MSH3: variants seen among roughly 807,000 people sequenced by gnomAD.
MSH3 encodes the protein mutS homolog 3.
In MSH3, 106 loss-of-function variants were observed where a neutral mutation model predicts 123.3. The ratio of observed to expected loss-of-function variants is 0.86; its 90% CI spans 0.73 to 1.01. The LOEUF (loss-of-function observed/expected upper bound fraction) is 1.01, where lower values mean the gene tolerates loss of function less well. Ranked by LOEUF, MSH3 falls within the 50% of genes least tolerant of loss-of-function variation. The pLI, the probability that MSH3 is intolerant of heterozygous loss-of-function variation, is 0.00. For synonymous variants in MSH3, 515 were observed against 481.4 expected (o/e 1.07, Z -0.91); for missense variants, 1,459 against 1,347.6 (o/e 1.08, Z -1.29).
intron 10 of MSH3, among the ~76,000 whole-genome samples, chr5:80,734,809 CA>C (rs1743475155): frequency 6.6e-6 from 1 of 152,156 alleles, no homozygotes; most frequent in South Asian, 2.1e-4. Flanking sequence ...TTCTGTCTCA[CA>C]AATTCTAGTT....
At position 80,654,964 on chromosome 5, in the gene MSH3, A is replaced by T. The variant is rs1473363268; in HGVS notation, c.237A>T (p.Ile79=). Residue 79 remains isoleucine (I), a splice_region_variant and synonymous_variant, in exon 1 of 24, where the codon ATA becomes ATT. Coordinates refer to ENST00000265081, the MANE Select transcript of MSH3 (RefSeq NM_002439.5). ...PAFPPQLPPH[I]ATEIDRRKKR... ...TCCCGCCCCAGCTGCCGCCGCACAT[A>T]GTAGGTTCTGTCTGGGACTGGGCAG... The T allele has an allele frequency of 6.9e-7, 1 of 1,459,268 alleles. No individual in the cohort carries two copies. Among genetic ancestry groups the T allele is most frequent in the Non-Finnish European group, 9.0e-7 (1 of 1,106,920 alleles). 90.4% of individuals were successfully genotyped at this position (1,459,268 alleles called of 1,614,324 possible).
chr5:80,749,223 A>G (rs1285272206), intron 12 of MSH3, among the ~76,000 whole-genome samples: 1 of 152,180 alleles, frequency 6.6e-6, no homozygotes, highest in Non-Finnish European at 1.5e-5. Context: ...GAATCCCAAA[A>G]CCTCAAAAGT....
chr5:80,843,120 T>C (rs1467501099), intron 20 of MSH3, among the ~76,000 whole-genome samples: 18 of 152,206 alleles, frequency 1.2e-4, no homozygotes, highest in African/African-American at 1.2e-4. Flanking sequence ...TGAGGGGCTA[T>C]TGAATTTTGT....
At chr5:80,703,021 C>G (rs1313276343) in intron 8 of MSH3, among the ~76,000 whole-genome samples, 2 of 152,122 alleles carry the variant, frequency 1.3e-5, no homozygotes, top group Non-Finnish European at 2.9e-5. Context: ...AGCAACAAAA[C>G]AAAAATAAAA....
chr5:80,875,569 T>A lies in MSH3; in HGVS notation c.3303-182T>A, dbSNP rs547263508. On this transcript the variant is annotated intron_variant, in intron 23 of 23. Coordinates refer to ENST00000265081, the MANE Select transcript of MSH3 (RefSeq NM_002439.5). ...TAATAGTGGCAATTGGTAACCTGGG[T>A]CCCTTGATTATAGTAGCAGCTCTGA... 1.0e-3 allele frequency among the ~76,000 whole-genome samples: 158 copies of A among 152,254 alleles called. 1 individual carries two copies. The highest frequency in any genetic ancestry group is 3.7e-3 in the African/African-American group (155 of 41,550).
intron 8 of MSH3, among the ~76,000 whole-genome samples, chr5:80,712,336 A>G (rs1015571499): frequency 2.6e-5 from 4 of 152,228 alleles, no homozygotes; most frequent in African/African-American, 9.6e-5. Flanking sequence ...AGTATTTTAA[A>G]AAGATTATGA....
intron 3 of MSH3, 36 bp from the exon 4 acceptor site, chr5:80,670,061 A>G: frequency 6.3e-7 from 1 of 1,591,526 alleles, no homozygotes; most frequent in Non-Finnish European, 8.6e-7. Context: ...ATTGTGGTTA[A>G]TATTTTTAAA....
intron 11 of MSH3, among the ~76,000 whole-genome samples, chr5:80,743,282 G>T (rs567691200): frequency 6.6e-6 from 1 of 152,224 alleles, no homozygotes; most frequent in South Asian, 2.1e-4. Flanking sequence ...GATCTGAACT[G>T]CCCTCCTTAG....
rs762744014 is a variant in MSH3 at position 80,775,776 on chromosome 5, T to A, written c.2318+18T>A. On this transcript the variant is annotated intron_variant, in intron 16 of 23. Transcript: ENST00000265081. ...GTTGGAAGGTAGGTTTAAAATAAAT[T>A]TTTTTCTTACAATGCATTATGATGA... 6.7e-7 allele frequency: 1 copy of A among 1,487,990 alleles called. No homozygotes were observed. The highest frequency in any genetic ancestry group is 1.7e-5 in the Admixed American group (1 of 59,718). 92.2% of individuals were successfully genotyped at this position (1,487,990 alleles called of 1,614,324 possible). A position where few individuals can be genotyped will look rare whatever the true frequency, so the allele number is the denominator to read the frequency against.
intron 11 of MSH3, among the ~76,000 whole-genome samples, chr5:80,743,307 C>G (rs1215641062): frequency 1.3e-5 from 2 of 152,108 alleles, no homozygotes; most frequent in Non-Finnish European, 2.9e-5. Flanking sequence ...TCCAGCCATC[C>G]TCAGAGGAAC....
rs1319452220 is a variant in MSH3, at chr5:80,812,434, C to T, written c.2656-1150C>T. On this transcript the variant is annotated intron_variant, in intron 19 of 23. Transcript: ENST00000265081. ...ACTACTTACTTATGATCCCCAGTGCCTTGTGGCCTGGTTCTGTGATTCTTT... is the reference window on the plus strand; with the variant it reads ...ACTACTTACTTATGATCCCCAGTGCTTTGTGGCCTGGTTCTGTGATTCTTT... Among the ~76,000 whole-genome samples the T allele has an allele frequency of 2.0e-5, 3 of 152,146 alleles. No individual in the cohort carries two copies. In the East Asian group the frequency reaches 5.8e-4, roughly 29 times the overall value.
intron 1 of MSH3, chr5:80,655,312 GTT>G: frequency 4.0e-6 from 1 of 250,320 alleles, no homozygotes; most frequent in Admixed American, 5.5e-5. Context: ...TGGTCGAAGA[GTT>G]TTACTGATTT....
At chr5:80,730,559 G>A (rs530202890) in intron 10 of MSH3, among the ~76,000 whole-genome samples, 4 of 152,040 alleles carry the variant, frequency 2.6e-5, no homozygotes, top group South Asian at 4.2e-4. Flanking sequence ...GTGTCAGCCC[G>A]GCATTATACC....
At chr5:80,871,290 A>G (rs1580103150) in intron 22 of MSH3, among the ~76,000 whole-genome samples, 1 of 152,142 alleles carries the variant, frequency 6.6e-6, no homozygotes, top group African/African-American at 2.4e-5. Flanking sequence ...GTTTGGGGTA[A>G]TTTGCAAACA....
chr5:80,717,458 G>A (rs1750986023), intron 8 of MSH3, among the ~76,000 whole-genome samples: 1 of 151,936 alleles, frequency 6.6e-6, no homozygotes, highest in African/African-American at 2.4e-5. Context: ...TTTAGAGACA[G>A]GCTATGTTGC....
chr5:80,713,870 T>C (rs1024409967), intron 8 of MSH3, among the ~76,000 whole-genome samples: 1 of 152,208 alleles, frequency 6.6e-6, no homozygotes, highest in East Asian at 1.9e-4. Context: ...AACTTCCTGC[T>C]GAATTCAGAT....
In MSH3 at chr5:80,659,156, T is replaced by A. The variant is rs150524658; in HGVS notation, c.358+2625T>A. The stretch of plus-strand genomic sequence containing the variant: ...GGCTGAGGCGGGAGAATCCCTTGAG[T>A]CTGGAAGGTGGAGGTTGTAGTGAGC... On this transcript the variant is annotated intron_variant, in intron 2 of 23. Coordinates refer to ENST00000265081, the MANE Select transcript of MSH3 (RefSeq NM_002439.5). Among the ~76,000 whole-genome samples, 943 of 151,154 alleles carry A rather than the reference T, an allele frequency of 6.2e-3. 10 individuals carry two copies. The highest frequency in any genetic ancestry group is 0.02 in the African/African-American group (838 of 41,140).
At position 80,876,182 on chromosome 5, in the gene MSH3, A is replaced by G. The variant is rs917228149; in HGVS notation, c.*320A>G. The G allele has an allele frequency of 2.0e-5, 6 of 299,632 alleles. No homozygotes were observed. Among genetic ancestry groups the G allele is most frequent in the Non-Finnish European group, 3.1e-5 (5 of 161,862 alleles). 18.6% of individuals were successfully genotyped at this position (299,632 alleles called of 1,614,324 possible). A position where few individuals can be genotyped will look rare whatever the true frequency, so the allele number is the denominator to read the frequency against. On this transcript the variant is annotated 3_prime_UTR_variant, in exon 24 of 24. Transcript: ENST00000265081. Reference sequence around the variant, plus strand: ...GGAGGGTGATATAAAAATTTACTTGATATTTTTATTTGTTTCAGTTCAGAT... The same window carrying G: ...GGAGGGTGATATAAAAATTTACTTGGTATTTTTATTTGTTTCAGTTCAGAT...
intron 3 of MSH3, among the ~76,000 whole-genome samples, chr5:80,665,909 A>G (rs1358939072): frequency 6.6e-6 from 1 of 152,240 alleles, no homozygotes; most frequent in Non-Finnish European, 1.5e-5. Flanking sequence ...TGTAATTCAG[A>G]ATAGTGATTG....
Sources: allele counts gnomAD v4.1 joint callset (sites outside exome capture counted in the v4.1 genomes callset), GRCh38; gene constraint gnomAD v4.1.1; transcripts MANE v1.5; gene names NCBI Gene and HGNC (gene_info 2026-07-23, HGNC 2026-07-21).